TBC1D31: variants seen among roughly 807,000 people sequenced by gnomAD.
TBC1D31 encodes the protein TBC1 domain family member 31.
TBC1D31 carries 99 observed loss-of-function variants against 132.9 expected under a neutral mutation model. The ratio of observed to expected loss-of-function variants is 0.74; its 90% CI spans 0.63 to 0.88. The LOEUF (loss-of-function observed/expected upper bound fraction) is 0.88. TBC1D31 is among the 40% of genes least tolerant of loss of function. TBC1D31 has a pLI of 0.00. For missense variants in TBC1D31, 1,134 were observed against 1,256.6 expected, an observed-to-expected ratio of 0.90 and a Z score of 1.48; for synonymous variants, 385 against 419.4, an observed-to-expected ratio of 0.92 and a Z score of 1.00.
At chr8:123,077,546 T>C (rs190537252) in intron 2 of TBC1D31, among the ~76,000 whole-genome samples, 1 of 151,122 alleles carries the variant, frequency 6.6e-6, no homozygotes, top group East Asian at 1.9e-4. Flanking sequence ...TTTTTTTTTT[T>C]CTTCAGACGG....
chr8:123,082,817 G>A lies in TBC1D31; in HGVS notation c.340G>A (p.Val114Ile). ...ADYSIKCFDT[V>I]TKELVSWMRG... ...TTATTCTATTAAATGTTTTGATACA[G>A]GTAAGAAGTTCTCCTATTTTTCTTT... The change falls in exon 3 of 22, where the codon GTC becomes ATC. Residue 114 changes from valine (V) to isoleucine (I), a missense_variant and splice_region_variant. Coordinates refer to ENST00000287380, the MANE Select transcript of TBC1D31 (RefSeq NM_145647.4). 7 of 1,584,408 alleles carry A rather than the reference G, an allele frequency of 4.4e-6. No homozygotes were observed. Among genetic ancestry groups the A allele is most frequent in the Non-Finnish European group, 6.0e-6 (7 of 1,157,488 alleles).
chr8:123,130,424 G>A (rs1217494029), intron 16 of TBC1D31, 91 bp downstream of exon 16: 1 of 1,252,756 alleles, frequency 8.0e-7, no homozygotes, highest in Non-Finnish European at 1.1e-6. Flanking sequence ...AATATTCTTA[G>A]AGTCCACCAT....
Position 123,109,641 on chromosome 8 carries a change from C to T in TBC1D31, c.1436+21C>T. On this transcript the variant is annotated intron_variant, in intron 10 of 21. Coordinates refer to ENST00000287380, the MANE Select transcript of TBC1D31 (RefSeq NM_145647.4). Reference sequence around the variant, plus strand: ...CAGAGGTATGTTCTATATATTGCAGCAATGTGTATGAGACCTGTAACTAAT... The same window carrying T: ...CAGAGGTATGTTCTATATATTGCAGTAATGTGTATGAGACCTGTAACTAAT... The T allele has an allele frequency of 1.9e-6, 3 of 1,580,242 alleles. No homozygotes were observed. The Middle Eastern group carries it at 5.1e-4, about 268-fold the overall frequency.
At chr8:123,138,595 C>T (rs1432554769) in intron 17 of TBC1D31, among the ~76,000 whole-genome samples, 1 of 152,202 alleles carries the variant, frequency 6.6e-6, no homozygotes, top group Non-Finnish European at 1.5e-5. Context: ...TCCTATATCC[C>T]TGCCCCTGGC....
chr8:123,119,226 G>A (rs1819241565), intron 10 of TBC1D31, among the ~76,000 whole-genome samples: 1 of 152,122 alleles, frequency 6.6e-6, no homozygotes, highest in Admixed American at 6.5e-5. Context: ...TTTTGTGGGG[G>A]CTAATTTGGC....
intron 11 of TBC1D31, among the ~76,000 whole-genome samples, chr8:123,124,938 CAAAAAA>C (rs1310001681): frequency 1.2e-5 from 1 of 81,080 alleles, no homozygotes; most frequent in Non-Finnish European, 2.6e-5. Flanking sequence ...CTCCGTCTCA[CAAAAAA>C]AAAAAAAAAA....
intron 11 of TBC1D31, 114 bp downstream of exon 11, chr8:123,120,302 CGAAAGTGT>C (rs1819347383): frequency 1.2e-6 from 1 of 809,674 alleles, no homozygotes; most frequent in Non-Finnish European, 1.8e-6. Context: ...TTTTAAGTCA[CGAAAGTGT>C]GAAACAATAA....
rs1259588648 is a variant in TBC1D31, at chr8:123,098,700, A to T, written c.831+1259A>T. Among the ~76,000 whole-genome samples the T allele has an allele frequency of 4.6e-5, 7 of 152,368 alleles. 1 individual carries two copies. The East Asian group carries it at 9.6e-4, about 21-fold the overall frequency. Reference sequence around the variant, plus strand: ...TTAAACCAGTCTCCTATTGGCAGTTAACCTATTTTTAGTCATTTTCTGTTA... The same window carrying T: ...TTAAACCAGTCTCCTATTGGCAGTTTACCTATTTTTAGTCATTTTCTGTTA... On this transcript the variant is annotated intron_variant, in intron 6 of 21. Coordinates refer to ENST00000287380, the MANE Select transcript of TBC1D31 (RefSeq NM_145647.4).
intron 2 of TBC1D31, among the ~76,000 whole-genome samples, chr8:123,081,368 C>T (rs1485465739): frequency 8.1e-6 from 1 of 124,158 alleles, no homozygotes; most frequent in African/African-American, 3.3e-5. Context: ...CTACTACCTA[C>T]TAGAAATCTT....
Position 123,077,252 on chromosome 8 carries a change from A to T in TBC1D31, c.219A>T (p.Gly73=). ...QGNIYVFDLH[G]NRFNLVQRTA... ...ATATTTATGTTTTTGACTTACATGG[A>T]AACAGGTAAGCAGATACCATTGATA... The change falls in exon 2 of 22, where the codon GGA becomes GGT. Residue 73 remains glycine (G), a synonymous_variant. Transcript: ENST00000287380. 1 of 1,611,096 alleles carries T rather than the reference A, an allele frequency of 6.2e-7. No homozygotes were observed. Among genetic ancestry groups the T allele is most frequent in the Non-Finnish European group, 8.5e-7 (1 of 1,179,086 alleles).
In TBC1D31 at chr8:123,130,206, C is replaced by T; in HGVS notation, c.2279C>T (p.Ala760Val). 1 of 1,608,548 alleles carries T rather than the reference C, an allele frequency of 6.2e-7. No individual in the cohort carries two copies. Among genetic ancestry groups the T allele is most frequent in the Non-Finnish European group, 8.5e-7 (1 of 1,177,602 alleles). The part of the protein sequence containing the change: ...KMIQQRQRLA[A>V]VKRELKVKEM... The stretch of plus-strand genomic sequence containing the variant: ...TGTATTTTGTATTTAAGGCTAGCTG[C>T]TGTGAAAAGAGAGCTGAAAGTAAAG... The change falls in exon 16 of 22, where the codon GCT becomes GTT. Residue 760 changes from alanine to valine, a missense_variant. Ala to Val is a moderately conservative substitution (Grantham distance 64, BLOSUM62 0). Transcript: ENST00000287380.
downstream of TBC1D31, among the ~76,000 whole-genome samples, chr8:123,156,437 T>A (rs1822990644): frequency 1.2e-5 from 1 of 82,520 alleles, no homozygotes; most frequent in Non-Finnish European, 2.5e-5. Context: ...TGAGACCCTG[T>A]CTCAAAAAAA....
intron 10 of TBC1D31, among the ~76,000 whole-genome samples, chr8:123,119,307 T>C (rs1819251070): frequency 6.6e-6 from 1 of 152,216 alleles, no homozygotes; most frequent in Non-Finnish European, 1.5e-5. Flanking sequence ...TCCAAGTCTG[T>C]ATTCTCATGT....
rs1200117320 is a variant in TBC1D31 at position 123,098,173 on chromosome 8, AG to A, written c.831+733del. Among the ~76,000 whole-genome samples the A allele has an allele frequency of 4.6e-5, 7 of 152,354 alleles. No individual in the cohort carries two copies. The South Asian group carries it at 1.0e-3, about 23-fold the overall frequency. ...TGGTTGAAAACATAAAACAGCATAC[AG>A]TAGGAAGTCTGTCACGCCTTTCTAC... On this transcript the variant is annotated intron_variant, in intron 6 of 21. Coordinates refer to ENST00000287380, the MANE Select transcript of TBC1D31 (RefSeq NM_145647.4).
chr8:123,108,575 T>C (rs1818162977), intron 8 of TBC1D31, among the ~76,000 whole-genome samples: 1 of 152,182 alleles, frequency 6.6e-6, no homozygotes, highest in South Asian at 2.1e-4. Context: ...CCGATGGGCC[T>C]AATTCGGCTA....
downstream of TBC1D31, among the ~76,000 whole-genome samples, chr8:123,153,476 C>G (rs929424631): frequency 7.9e-5 from 12 of 152,306 alleles, no homozygotes; most frequent in South Asian, 1.9e-3. Flanking sequence ...TATGAATGCT[C>G]TCACCCAAAT....
chr8:123,157,323 C>T, the TBC1D31 span, among the ~76,000 whole-genome samples: 4,892 of 152,144 alleles, frequency 0.032, 263 homozygotes, highest in African/African-American at 0.11. Flanking sequence ...GGTTTCCGGA[C>T]GGATCATTCT....
chr8:123,111,966 C>G (rs1188337240), intron 10 of TBC1D31, among the ~76,000 whole-genome samples: 4 of 152,066 alleles, frequency 2.6e-5, no homozygotes, highest in African/African-American at 9.7e-5. Context: ...CGATCCTCCC[C>G]CCTTAGCCTC....
At chr8:123,129,011 T>TTGA in intron 14 of TBC1D31, 55 bp from the exon 15 acceptor site, 1 of 1,270,278 alleles carries the variant, frequency 7.9e-7, no homozygotes, top group Non-Finnish European at 1.1e-6. Context: ...ATTTTGTGTT[T>TTGA]TGATGATTCT....
Sources: allele counts gnomAD v4.1 joint callset (sites outside exome capture counted in the v4.1 genomes callset), GRCh38; gene constraint gnomAD v4.1.1; transcripts MANE v1.5; gene names NCBI Gene and HGNC (gene_info 2026-07-23, HGNC 2026-07-21).